SLC12A3: variants seen among roughly 807,000 people sequenced by gnomAD.
SLC12A3 encodes solute carrier family 12 member 3, also known as Na-Cl cotransporter.
A neutral mutation model predicts 121.0 loss-of-function variants in SLC12A3; 104 were observed. The ratio of observed to expected loss-of-function variants is 0.86; its 90% CI spans 0.73 to 1.01. The LOEUF is 1.01. Among genes scored for constraint, SLC12A3 ranks in the 50% least tolerant of loss-of-function variants. SLC12A3 has a pLI of 0.00. For synonymous variants in SLC12A3, 536 were observed against 533.4 expected (o/e 1.00, Z -0.07); for missense variants, 1,328 against 1,356.3 (o/e 0.98, Z 0.33).
At chr16:56,905,141 A>T (rs1222335197) in intron 25 of SLC12A3, among the ~76,000 whole-genome samples, 3 of 152,028 alleles carry the variant, frequency 2.0e-5, no homozygotes, top group Non-Finnish European at 4.4e-5. Flanking sequence ...GGAGGTCGAG[A>T]CCAGCCTGAC....
At chr16:56,882,524 G>A in intron 13 of SLC12A3, 27 bp downstream of exon 13, 1 of 1,572,372 alleles carries the variant, frequency 6.4e-7, no homozygotes, top group Admixed American at 1.7e-5. Context: ...CCCACCTCAG[G>A]AGGAGGCACC....
intron 22 of SLC12A3, among the ~76,000 whole-genome samples, chr16:56,897,528 C>G (rs2055481745): frequency 6.6e-6 from 1 of 152,220 alleles, no homozygotes; most frequent in South Asian, 2.1e-4. Context: ...CCACTAAGAA[C>G]TTTCTCCTGG....
Position 56,878,159 on chromosome 16 carries a change from T to A in SLC12A3, c.1178T>A (p.Ile393Asn). The A allele has an allele frequency of 6.2e-7, 1 of 1,609,582 alleles. No individual in the cohort carries two copies. Among genetic ancestry groups the A allele is most frequent in the Non-Finnish European group, 8.5e-7 (1 of 1,178,216 alleles). The change falls in exon 9 of 26, where the codon ATT becomes AAT. Residue 393 changes from isoleucine to asparagine, a missense_variant and splice_region_variant. Coordinates refer to ENST00000563236, the MANE Select transcript of SLC12A3 (RefSeq NM_001126108.2). ...TISYLAISAT[I>N]GSCVVRDASG... ...TCCTACCTGGCCATCTCAGCCACCA[T>A]TGGTAAGTGGCCGGCCCAGCCAGTC... is the stretch of plus-strand genomic sequence containing the variant.
chr16:56,893,427 C>G (rs1461068121), intron 21 of SLC12A3, among the ~76,000 whole-genome samples: 1 of 152,158 alleles, frequency 6.6e-6, no homozygotes, highest in Non-Finnish European at 1.5e-5. Context: ...AGCTTTATTG[C>G]TCCTACCTTT....
In SLC12A3 at chr16:56,872,034, T is replaced by C. The variant is rs188182647; in HGVS notation, c.853-317T>C. On this transcript the variant is annotated intron_variant, in intron 6 of 25. Coordinates refer to ENST00000563236, the MANE Select transcript of SLC12A3 (RefSeq NM_001126108.2). ...CACTGTTTCCGGCCTGTATTTTTAG[T>C]AGAGACAGAGTTTCCCCATGTTGGC... Among the ~76,000 whole-genome samples the C allele has an allele frequency of 3.8e-3, 574 of 152,230 alleles. 1 individual carries two copies. The highest frequency in any genetic ancestry group is 6.5e-3 in the Non-Finnish European group (439 of 68,020).
intron 3 of SLC12A3, 59 bp from the exon 4 acceptor site, chr16:56,869,670 G>A (rs1221865297): frequency 7.1e-7 from 1 of 1,405,366 alleles, no homozygotes; most frequent in Non-Finnish European, 1.0e-6. Context: ...GAATGAGTAG[G>A]CAAACTGGGG....
Position 56,868,364 on chromosome 16 carries a change from C to T in SLC12A3, c.497C>T (p.Ala166Val), listed in dbSNP as rs779683214. 53 of 1,612,680 alleles carry T rather than the reference C, an allele frequency of 3.3e-5. No homozygotes were observed. The highest frequency in any genetic ancestry group is 4.5e-5 in the Non-Finnish European group (53 of 1,179,552). The change falls in exon 3 of 26, where the codon GCA (alanine) becomes GTA (valine). Residue 166 changes from alanine (A) to valine (V), a missense_variant. Physicochemically the swap from Ala to Val is moderately conservative, Grantham distance 64 (BLOSUM62 0). Coordinates refer to ENST00000563236, the MANE Select transcript of SLC12A3 (RefSeq NM_001126108.2). Reference sequence around the variant, plus strand: ...CGGCTGCCCTGGATTACGGCCCAGGCAGGCATCGGTGAGTGCCCCTCTGGG... The same window carrying T: ...CGGCTGCCCTGGATTACGGCCCAGGTAGGCATCGGTGAGTGCCCCTCTGGG... ...YLRLPWITAQ[A>V]GIVLTWIIIL...
chr16:56,886,101 G>A (rs895390565), intron 15 of SLC12A3, among the ~76,000 whole-genome samples: 4 of 152,228 alleles, frequency 2.6e-5, no homozygotes, highest in African/African-American at 9.6e-5. Context: ...TGCTGGGCTA[G>A]GCAGGGCAGG....
At position 56,872,791 on chromosome 16, in the gene SLC12A3, G is replaced by A; in HGVS notation, c.1095+5G>A. 6.2e-7 allele frequency: 1 copy of A among 1,614,186 alleles called. No homozygotes were observed. Among genetic ancestry groups the A allele is most frequent in the Non-Finnish European group, 8.5e-7 (1 of 1,180,042 alleles). ...AACATATCTGGTGACCTCAAGGTGA[G>A]CAGAATACTTGCCCCTCCTGTGTCC... On this transcript the variant is annotated splice_donor_5th_base_variant and intron_variant, in intron 8 of 25. Coordinates refer to ENST00000563236, the MANE Select transcript of SLC12A3 (RefSeq NM_001126108.2).
chr16:56,869,597 G>C (rs766978235), intron 3 of SLC12A3, 132 bp from the exon 4 acceptor site: 3 of 766,818 alleles, frequency 3.9e-6, no homozygotes, highest in Non-Finnish European at 4.6e-6. Flanking sequence ...AAGTGACAGA[G>C]ACCCATTTTT....
chr16:56,887,793 TATATA>T (rs374173866), intron 17 of SLC12A3, 127 bp from the exon 18 acceptor site: 51 of 102,510 alleles, frequency 5.0e-4, no homozygotes, highest in African/African-American at 1.6e-3. Flanking sequence ...TATATATATA[TATATA>T]TTTTTTTTTT....
chr16:56,883,352 C>T (rs993028070), intron 13 of SLC12A3, among the ~76,000 whole-genome samples: 1 of 145,104 alleles, frequency 6.9e-6, no homozygotes, highest in Non-Finnish European at 1.5e-5. Flanking sequence ...ACGATCTCGG[C>T]TCACTGCAAG....
chr16:56,910,773 C>G (rs930034968), intron 25 of SLC12A3, among the ~76,000 whole-genome samples: 2 of 152,238 alleles, frequency 1.3e-5, no homozygotes. Flanking sequence ...GACTGTGGTT[C>G]TGATGCAGGG....
At chr16:56,884,913 C>G (rs2055290159) in intron 14 of SLC12A3, among the ~76,000 whole-genome samples, 1 of 152,126 alleles carries the variant, frequency 6.6e-6, no homozygotes, top group South Asian at 2.1e-4. Context: ...ATTACAGGTG[C>G]ATGCTACCAT....
intron 12 of SLC12A3, among the ~76,000 whole-genome samples, chr16:56,880,672 T>C (rs2055228971): frequency 6.6e-6 from 1 of 152,138 alleles, no homozygotes; most frequent in African/African-American, 2.4e-5. Flanking sequence ...AGTATCCTCA[T>C]AGGTATATAA....
chr16:56,867,166 G>A lies in SLC12A3; in HGVS notation c.379G>A (p.Glu127Lys), dbSNP rs545989306. 6.8e-6 allele frequency: 11 copies of A among 1,613,962 alleles called. No homozygotes were observed. The highest frequency in any genetic ancestry group is 4.5e-5 in the East Asian group (2 of 44,870). Residue 127 changes from glutamate (E) to lysine (K), a missense_variant, in exon 2 of 26, where the codon GAG (glutamate) becomes AAG (lysine). By Grantham distance (56) the Glu-to-Lys change is moderately conservative. Transcript: ENST00000563236. Reference sequence around the variant, plus strand: ...GGAGGGCGAGGCAGGCACCAGCAGCGAGAAGAACCCCGAGGAGCCAGTGCG... The same window carrying A: ...GGAGGGCGAGGCAGGCACCAGCAGCAAGAAGAACCCCGAGGAGCCAGTGCG... Reference protein sequence around the residue: ...LVEGEAGTSSEKNPEEPVRFG... With the variant: ...LVEGEAGTSSKKNPEEPVRFG...
chr16:56,876,259 A>G (rs188824831), intron 8 of SLC12A3, among the ~76,000 whole-genome samples: 2 of 152,152 alleles, frequency 1.3e-5, no homozygotes, highest in East Asian at 3.9e-4. Context: ...GTATGACCTC[A>G]TCTTTACTAA....
Position 56,888,031 on chromosome 16 carries a change from A to C in SLC12A3, c.2285A>C (p.His762Pro). ...ATVEDYIGIL[H>P]DAFDFNYGVC... ...GTGGAAGACTACATTGGCATCCTCC[A>C]GTGAGTCGGGGGAGAGGAAGGGGCT... Residue 762 changes from histidine to proline, a missense_variant and splice_region_variant, in exon 18 of 26, where the codon CAT becomes CCT. Transcript: ENST00000563236. 1 of 1,605,792 alleles carries C rather than the reference A, an allele frequency of 6.2e-7. No individual in the cohort carries two copies.
chr16:56,898,856 T>C (rs1044489756), intron 22 of SLC12A3, among the ~76,000 whole-genome samples: 1 of 152,236 alleles, frequency 6.6e-6, no homozygotes, highest in East Asian at 1.9e-4. Context: ...AGACCTTTGT[T>C]ACTCAAAGTG....
Sources: gnomAD v4.1 joint callset for allele counts (sites outside exome capture counted in the v4.1 genomes callset) on GRCh38, gnomAD v4.1.1 for gene constraint, MANE v1.5 for transcripts, NCBI Gene and HGNC (gene_info 2026-07-23, HGNC 2026-07-21) for gene names.